Variants in DCHS2 observed in about 807,000 individuals in gnomAD.
The protein encoded by DCHS2 is dachsous cadherin-related 2.
A neutral mutation model predicts 182.4 loss-of-function variants in DCHS2; 142 were observed. The ratio of observed to expected loss-of-function variants is 0.78; its 90% confidence interval spans 0.68 to 0.89. The LOEUF (loss-of-function observed/expected upper bound fraction) is 0.89. Ranked by LOEUF, DCHS2 falls within the 40% of genes least tolerant of loss-of-function variation. The pLI, the probability that DCHS2 is intolerant of heterozygous loss-of-function variation, is 0.00. For missense variants in DCHS2, 4,319 were observed against 4,198.6 expected (o/e 1.03, Z -0.79); for synonymous variants, 1,740 against 1,663.3 (o/e 1.05, Z -1.12).
At chr4:154,380,534 T>C (rs1388071) in intron 1 of DCHS2, among the ~76,000 whole-genome samples, 129,157 of 152,162 alleles carry the variant, frequency 0.85, 54,962 homozygotes, top group South Asian at 0.92. Flanking sequence ...CTTTTAAATT[T>C]TAAAATTCAT....
chr4:154,365,418 C>T (rs1730302157), intron 3 of DCHS2, among the ~76,000 whole-genome samples: 1 of 152,130 alleles, frequency 6.6e-6, no homozygotes, highest in Non-Finnish European at 1.5e-5. Context: ...ACATAAATTA[C>T]TGTCTTTAGT....
At chr4:154,371,389 A>G (rs911208168) in intron 2 of DCHS2, among the ~76,000 whole-genome samples, 3 of 152,122 alleles carry the variant, frequency 2.0e-5, no homozygotes, top group Non-Finnish European at 4.4e-5. Context: ...GTGAGAGTGC[A>G]GAAAGGAACG....
At position 154,298,252 on chromosome 4, in the gene DCHS2, G is replaced by A. The variant is rs756685304; in HGVS notation, c.6062C>T (p.Thr2021Ile). The change falls in exon 13 of 20, where the codon ACT becomes ATT. Residue 2021 changes from threonine (T) to isoleucine (I), a missense_variant. Transcript: ENST00000357232. ...DCSIQGSRST[T>I]VIIKVYVTDV... ...AGTGACATATACTTTTATAATTACA[G>A]TGGTGCTTCGTGAACCCTGGATGCT... is the stretch of plus-strand genomic sequence containing the variant. The A allele has an allele frequency of 1.2e-6, 2 of 1,614,046 alleles. No homozygotes were observed. The highest frequency in any genetic ancestry group is 2.7e-5 in the African/African-American group (2 of 74,926).
chr4:154,279,054 T>C (rs1237485520), intron 13 of DCHS2, among the ~76,000 whole-genome samples: 1 of 152,102 alleles, frequency 6.6e-6, no homozygotes. Flanking sequence ...ACTAACTAGG[T>C]TAATGGATAT....
chr4:154,365,695 G>T (rs1243719707), intron 3 of DCHS2, among the ~76,000 whole-genome samples: 2 of 151,756 alleles, frequency 1.3e-5, no homozygotes, highest in Admixed American at 1.3e-4. Context: ...TGTCACCCAG[G>T]CTGGAGGGCA....
chr4:154,433,022 G>A (rs1042454475), intron 1 of DCHS2, among the ~76,000 whole-genome samples: 6 of 152,076 alleles, frequency 3.9e-5, no homozygotes, highest in African/African-American at 7.2e-5. Context: ...CATAAACTCC[G>A]GTACCTGTGA....
chr4:154,489,894 C>A lies in DCHS2; in HGVS notation c.1462G>T (p.Val488Leu). ...GGCCCCTCCACGCAAAGGAAAAATA[C>A]CCCTGGGGGGCCGCCGGGTAGCAAC... ...FALLPGGPPG[V>L]FFLCVEGPLD... is the part of the protein sequence containing the mutation. The change falls in exon 1 of 20, where the codon GTA (valine) becomes TTA (leucine). Residue 488 changes from valine to leucine, a missense_variant. By Grantham distance (32) the Val-to-Leu change is conservative. Transcript: ENST00000357232. 1.3e-6 allele frequency: 2 copies of A among 1,541,032 alleles called. No individual in the cohort carries two copies. The highest frequency in any genetic ancestry group is 1.8e-6 in the Non-Finnish European group (2 of 1,140,268).
chr4:154,490,910 G>A lies in DCHS2; in HGVS notation c.446C>T (p.Ala149Val). The change falls in exon 1 of 20, where the codon GCT becomes GTT. Residue 149 changes from alanine (A) to valine (V), a missense_variant. Ala to Val is a moderately conservative substitution (Grantham distance 64). Coordinates refer to ENST00000357232, the MANE Select transcript of DCHS2 (RefSeq NM_001358235.2). The part of the protein sequence containing the change: ...YSFVAATLLG[A>V]VVQVEIRVND... ...GACGCGAATCTCCACCTGCACCACA[G>A]CGCCCAGCAGCGTGGCGGCGACGAA... 6.4e-6 allele frequency: 10 copies of A among 1,551,286 alleles called. No homozygotes were observed. The highest frequency in any genetic ancestry group is 8.7e-6 in the Non-Finnish European group (10 of 1,146,902).
Position 154,315,835 on chromosome 4 carries a change from T to TAA in DCHS2, c.5171_5172dup (p.Lys1725LeufsTer10). On this transcript the variant is annotated frameshift_variant, in exon 10 of 20. Coordinates refer to ENST00000357232, the MANE Select transcript of DCHS2 (RefSeq NM_001358235.2). LOFTEE classifies it high-confidence loss of function. ...ACTGAGGCTTCATACAGGTGCTGCT[T>TAA]AAATACTGGAGCTTCATCATTTACA... 1 of 1,614,056 alleles carries TAA rather than the reference T, an allele frequency of 6.2e-7. No homozygotes were observed. Among genetic ancestry groups the TAA allele is most frequent in the South Asian group, 1.1e-5 (1 of 91,080 alleles).
At chr4:154,291,220 A>T (rs1734641883) in intron 13 of DCHS2, among the ~76,000 whole-genome samples, 1 of 152,156 alleles carries the variant, frequency 6.6e-6, no homozygotes, top group African/African-American at 2.4e-5. Flanking sequence ...GAGAAATGCA[A>T]ATCAAAAAAC....
chr4:154,239,724 G>A (rs1360248176), intron 18 of DCHS2, among the ~76,000 whole-genome samples: 3 of 152,128 alleles, frequency 2.0e-5, no homozygotes, highest in East Asian at 1.9e-4. Flanking sequence ...GGCCAGGCTG[G>A]TCTTGAACTC....
At chr4:154,451,446 AAT>A (rs931991494) in intron 1 of DCHS2, among the ~76,000 whole-genome samples, 2 of 152,156 alleles carry the variant, frequency 1.3e-5, no homozygotes, top group African/African-American at 2.4e-5. Flanking sequence ...AAGTGTTATT[AAT>A]ATATATAGGC....
chr4:154,235,368 C>T lies in DCHS2; in HGVS notation c.9284G>A (p.Cys3095Tyr). ...LYRHSNSSGHCSVEGETAEDK... is the reference protein window; with the variant it reads ...LYRHSNSSGHYSVEGETAEDK... ...TTCTGCAGTTTCTCCTTCCACAGAA[C>T]AGTGGCCACTGGAGTTTGAGTGTCT... Residue 3095 changes from cysteine to tyrosine, a missense_variant, in exon 20 of 20, where the codon TGT becomes TAT. By Grantham distance (194) the Cys-to-Tyr change is radical. Coordinates refer to ENST00000357232, the MANE Select transcript of DCHS2 (RefSeq NM_001358235.2). 1 of 1,614,048 alleles carries T rather than the reference C, an allele frequency of 6.2e-7. No individual in the cohort carries two copies.
Position 154,491,555 on chromosome 4 carries a change from GAAGT to G in DCHS2, c.-204_-201del, listed in dbSNP as rs1728838592. On this transcript the variant is annotated 5_prime_UTR_variant, in exon 1 of 20. Coordinates refer to ENST00000357232, the MANE Select transcript of DCHS2 (RefSeq NM_001358235.2). ...TCTGCCTGCAGCTCACGCAGACAGGGAAGTAAGCTCTAGCTGCCTCTGCCGCGGC... is the reference window on the plus strand; with the variant it reads ...TCTGCCTGCAGCTCACGCAGACAGGGAAGCTCTAGCTGCCTCTGCCGCGGC... 7 of 1,378,318 alleles carry G rather than the reference GAAGT, an allele frequency of 5.1e-6. No homozygotes were observed. The highest frequency in any genetic ancestry group is 6.5e-6 in the Non-Finnish European group (7 of 1,072,744). 85.4% of individuals were successfully genotyped at this position (1,378,318 alleles called of 1,614,324 possible).
chr4:154,325,795 A>T (rs1297536656), intron 7 of DCHS2, among the ~76,000 whole-genome samples: 2 of 152,230 alleles, frequency 1.3e-5, no homozygotes, highest in Non-Finnish European at 2.9e-5. Context: ...ACATCAGAGA[A>T]GAATTTGGCT....
intron 1 of DCHS2, among the ~76,000 whole-genome samples, chr4:154,456,420 A>G (rs1734770036): frequency 6.6e-6 from 1 of 152,200 alleles, no homozygotes. Context: ...AGTCCAACGG[A>G]GAAGATAAGC....
chr4:154,424,114 G>A (rs575729310), intron 1 of DCHS2, among the ~76,000 whole-genome samples: 3 of 152,206 alleles, frequency 2.0e-5, no homozygotes, highest in Admixed American at 6.5e-5. Context: ...ACATAACAAG[G>A]TTTCATTGCT....
chr4:154,349,451 C>T (rs573797532), intron 3 of DCHS2, among the ~76,000 whole-genome samples: 28 of 152,276 alleles, frequency 1.8e-4, no homozygotes, highest in Non-Finnish European at 3.2e-4. Context: ...GCAGGAGCTC[C>T]GTTCAAACCA....
chr4:154,298,262 G>C lies in DCHS2; in HGVS notation c.6052C>G (p.Arg2018Gly). The change falls in exon 13 of 20, where the codon CGA becomes GGA. Residue 2018 changes from arginine (R) to glycine (G), a missense_variant. Physicochemically the swap from Arg to Gly is moderately radical, Grantham distance 125. Coordinates refer to ENST00000357232, the MANE Select transcript of DCHS2 (RefSeq NM_001358235.2). Reference sequence around the variant, plus strand: ...ACTTTTATAATTACAGTGGTGCTTCGTGAACCCTGGATGCTACAGTCTCTG... The same window carrying C: ...ACTTTTATAATTACAGTGGTGCTTCCTGAACCCTGGATGCTACAGTCTCTG... Reference protein sequence around the residue: ...VARDCSIQGSRSTTVIIKVYV... With the variant: ...VARDCSIQGSGSTTVIIKVYV... 6.2e-7 allele frequency: 1 copy of C among 1,614,092 alleles called. No homozygotes were observed. The highest frequency in any genetic ancestry group is 8.5e-7 in the Non-Finnish European group (1 of 1,180,016).
Sources: allele counts gnomAD v4.1 joint callset (sites outside exome capture counted in the v4.1 genomes callset), GRCh38; gene constraint gnomAD v4.1.1; transcripts MANE v1.5; gene names NCBI Gene and HGNC (gene_info 2026-07-23, HGNC 2026-07-21).